Variants in CADM2 observed in about 807,000 individuals in gnomAD.
The protein encoded by CADM2 is cell adhesion molecule 2.
A neutral mutation model predicts 49.8 loss-of-function variants in CADM2; 12 were observed. That is an observed-to-expected ratio of 0.24 (90% confidence interval 0.15 to 0.39). The LOEUF is 0.39. Among genes scored for constraint, CADM2 ranks in the 10% least tolerant of loss-of-function variants. CADM2 has a pLI of 1.00. For synonymous variants in CADM2, 214 were observed against 175.4 expected (o/e 1.22, Z -1.74); for missense variants, 378 against 492.3 (o/e 0.77, Z 2.20).
At chr3:85,951,852 C>T (rs988812077) in intron 7 of CADM2, among the ~76,000 whole-genome samples, 1 of 150,646 alleles carries the variant, frequency 6.6e-6, no homozygotes, top group African/African-American at 2.4e-5. Flanking sequence ...AAGTTGGGTT[C>T]ATTAGAGCTG....
chr3:85,580,021 A>G (rs1209969211), intron 1 of CADM2, among the ~76,000 whole-genome samples: 1 of 152,168 alleles, frequency 6.6e-6, no homozygotes, highest in Non-Finnish European at 1.5e-5. Context: ...CATTGTTTTT[A>G]CTCAGCTAAA....
intron 1 of CADM2, among the ~76,000 whole-genome samples, chr3:85,308,328 C>CACAA (rs1455998501): frequency 2.0e-5 from 3 of 151,356 alleles, no homozygotes; most frequent in African/African-American, 4.9e-5. Context: ...CACACACACA[C>CACAA]ACACACACAC....
intron 8 of CADM2, among the ~76,000 whole-genome samples, chr3:86,045,217 A>C (rs1034933843): frequency 1.3e-5 from 2 of 152,150 alleles, no homozygotes; most frequent in African/African-American, 4.8e-5. Context: ...TAATAAAAAA[A>C]AAAGATAGTG....
intron 1 of CADM2, among the ~76,000 whole-genome samples, chr3:85,666,602 T>C (rs187221291): frequency 6.6e-6 from 1 of 152,090 alleles, no homozygotes; most frequent in African/African-American, 2.4e-5. Flanking sequence ...TGGACACTCA[T>C]GCAGAAGAGA....
At chr3:85,474,093 C>A (rs2038880763) in intron 1 of CADM2, among the ~76,000 whole-genome samples, 1 of 151,618 alleles carries the variant, frequency 6.6e-6, no homozygotes. Context: ...TAATTATATT[C>A]TCAATATTTG....
chr3:85,915,146 TA>T (rs1718114939), intron 6 of CADM2, among the ~76,000 whole-genome samples: 1 of 152,164 alleles, frequency 6.6e-6, no homozygotes, highest in African/African-American at 2.4e-5. Context: ...AAAATGGAAG[TA>T]TTATACAATT....
chr3:84,970,417 G>C (rs1295696659), intron 1 of CADM2, among the ~76,000 whole-genome samples: 1 of 151,702 alleles, frequency 6.6e-6, no homozygotes, highest in Non-Finnish European at 1.5e-5. Context: ...TTCACATAAA[G>C]TGTTTTAAGA....
At chr3:86,006,345 G>A (rs1460507675) in intron 8 of CADM2, among the ~76,000 whole-genome samples, 1 of 152,184 alleles carries the variant, frequency 6.6e-6, no homozygotes, top group Non-Finnish European at 1.5e-5. Flanking sequence ...TAGTCAACAT[G>A]ATGGCAGGAT....
chr3:85,150,952 A>G (rs1169579828), intron 1 of CADM2, among the ~76,000 whole-genome samples: 2 of 149,846 alleles, frequency 1.3e-5, no homozygotes, highest in East Asian at 3.9e-4. Flanking sequence ...AATAATAATA[A>G]TAATTGGATG....
intron 1 of CADM2, among the ~76,000 whole-genome samples, chr3:85,134,592 A>G (rs1231550026): frequency 6.6e-6 from 1 of 152,204 alleles, no homozygotes; most frequent in Non-Finnish European, 1.5e-5. Flanking sequence ...TGTTATTTTT[A>G]GTTGTTGAAA....
intron 1 of CADM2, among the ~76,000 whole-genome samples, chr3:85,031,743 A>G (rs751687354): frequency 1.1e-4 from 17 of 151,352 alleles, no homozygotes; most frequent in Admixed American, 2.0e-4. Flanking sequence ...GATGGTCTCG[A>G]TCTGCTGACC....
chr3:86,032,000 C>T (rs181958840), intron 8 of CADM2, among the ~76,000 whole-genome samples: 42 of 151,704 alleles, frequency 2.8e-4, no homozygotes, highest in Non-Finnish European at 4.0e-4. Context: ...AGGATGTTGA[C>T]GGATCAAGAG....
chr3:85,711,131 G>A (rs1250165513), intron 1 of CADM2, among the ~76,000 whole-genome samples: 1 of 151,886 alleles, frequency 6.6e-6, no homozygotes, highest in Non-Finnish European at 1.5e-5. Flanking sequence ...TTTAAATTAT[G>A]GAAAATAGCA....
chr3:85,036,034 C>T (rs372059643), intron 1 of CADM2, among the ~76,000 whole-genome samples: 1 of 152,166 alleles, frequency 6.6e-6, no homozygotes, highest in Admixed American at 6.5e-5. Flanking sequence ...GACTATGTAT[C>T]ACTATCCCTC....
intron 1 of CADM2, among the ~76,000 whole-genome samples, chr3:85,074,865 A>G (rs1015288337): frequency 6.6e-6 from 1 of 152,088 alleles, no homozygotes; most frequent in African/African-American, 2.4e-5. Flanking sequence ...GAAAAATGGA[A>G]TAAGTATCAA....
intron 1 of CADM2, among the ~76,000 whole-genome samples, chr3:85,518,098 C>A (rs1343737488): frequency 6.6e-6 from 1 of 152,124 alleles, no homozygotes; most frequent in African/African-American, 2.4e-5. Context: ...TCTCTGCCTC[C>A]CGGGTTCAAG....
At chr3:85,442,198 C>T (rs1197825890) in intron 1 of CADM2, among the ~76,000 whole-genome samples, 4 of 152,058 alleles carry the variant, frequency 2.6e-5, no homozygotes, top group Non-Finnish European at 5.9e-5. Context: ...CTTGTTCTCT[C>T]TCCAGCCTCA....
chr3:85,267,708 A>C (rs1294414622), intron 1 of CADM2, among the ~76,000 whole-genome samples: 3 of 151,606 alleles, frequency 2.0e-5, no homozygotes, highest in African/African-American at 7.2e-5. Flanking sequence ...TGCCTGATGC[A>C]AGCTGAGGAG....
intron 8 of CADM2, among the ~76,000 whole-genome samples, chr3:85,984,718 T>C (rs1727887174): frequency 1.3e-5 from 2 of 151,842 alleles, no homozygotes; most frequent in Admixed American, 1.3e-4. Context: ...ATGTACCAGA[T>C]AGGGAAAGAA....
Sources: allele counts gnomAD v4.1 joint callset (sites outside exome capture counted in the v4.1 genomes callset), GRCh38; gene constraint gnomAD v4.1.1; transcripts MANE v1.5; gene names NCBI Gene and HGNC (gene_info 2026-07-23, HGNC 2026-07-21).